The following FGF14 variants were observed in gnomAD, a reference collection of about 807,000 sequenced individuals.
FGF14 encodes the protein fibroblast growth factor 14.
A neutral mutation model predicts 25.5 loss-of-function variants in FGF14; 5 were observed. The ratio of observed to expected loss-of-function variants is 0.20; its 90% CI spans 0.10 to 0.41. The LOEUF is 0.41. FGF14 is among the 10% of genes least tolerant of loss of function. The pLI is 1.00. For missense variants in FGF14, 222 were observed against 320.1 expected, an observed-to-expected ratio of 0.69 and a Z score of 2.34; for synonymous variants, 138 against 118.3, an observed-to-expected ratio of 1.17 and a Z score of -1.08.
intron 1 of FGF14, among the ~76,000 whole-genome samples, chr13:102,066,978 C>T (rs1466311872): frequency 6.6e-6 from 1 of 152,154 alleles, no homozygotes; most frequent in Admixed American, 6.5e-5. Context: ...TAAAGCTTTC[C>T]ACAGTCAGGC....
intron 1 of FGF14, among the ~76,000 whole-genome samples, chr13:102,004,564 C>T (rs1432041192): frequency 6.6e-6 from 1 of 152,192 alleles, no homozygotes; most frequent in Non-Finnish European, 1.5e-5. Context: ...TATAGTCCCT[C>T]GATGCACCAA....
At chr13:101,800,498 A>T (rs562239226) in intron 3 of FGF14, among the ~76,000 whole-genome samples, 1 of 152,316 alleles carries the variant, frequency 6.6e-6, no homozygotes, top group East Asian at 1.9e-4. Flanking sequence ...TGTTTGCACG[A>T]ATCTAAAAAT....
At chr13:101,980,970 G>A (rs968723934) in intron 1 of FGF14, among the ~76,000 whole-genome samples, 3 of 152,010 alleles carry the variant, frequency 2.0e-5, no homozygotes, top group African/African-American at 7.2e-5. Flanking sequence ...GGCTGGGTGT[G>A]GTGGCTCAAG....
At chr13:101,998,860 T>C (rs1433441175) in intron 1 of FGF14, among the ~76,000 whole-genome samples, 1 of 152,204 alleles carries the variant, frequency 6.6e-6, no homozygotes, top group Admixed American at 6.5e-5. Flanking sequence ...CCCATAAAAT[T>C]ACACACATAG....
chr13:101,932,204 A>C (rs2034797849), intron 1 of FGF14, among the ~76,000 whole-genome samples: 1 of 152,140 alleles, frequency 6.6e-6, no homozygotes, highest in Non-Finnish European at 1.5e-5. Flanking sequence ...CCACAGGAAA[A>C]GGTGTATGGC....
chr13:101,723,232 T>G (rs1388248915), intron 4 of FGF14: 1 of 471,374 alleles, frequency 2.1e-6, no homozygotes, highest in African/African-American at 2.0e-5. Context: ...CAGGTTTAAA[T>G]GGGAGCTATG....
intron 1 of FGF14, among the ~76,000 whole-genome samples, chr13:102,192,942 T>C (rs1039971858): frequency 1.3e-5 from 2 of 152,162 alleles, no homozygotes; most frequent in African/African-American, 4.8e-5. Flanking sequence ...TCACTCCAAC[T>C]GCCTTAAATA....
At chr13:101,817,503 T>C (rs2041902095) in intron 3 of FGF14, among the ~76,000 whole-genome samples, 1 of 152,190 alleles carries the variant, frequency 6.6e-6, no homozygotes, top group Admixed American at 6.5e-5. Flanking sequence ...TTTTCCTTTC[T>C]GTCCAATATA....
intron 1 of FGF14, among the ~76,000 whole-genome samples, chr13:101,999,030 T>C (rs1269690627): frequency 6.6e-6 from 1 of 152,208 alleles, no homozygotes; most frequent in Non-Finnish European, 1.5e-5. Flanking sequence ...TTTCAAACTA[T>C]GCTTCTCAGA....
intron 1 of FGF14, among the ~76,000 whole-genome samples, chr13:102,393,181 C>A (rs748563024): frequency 7.9e-5 from 12 of 152,288 alleles, no homozygotes; most frequent in Non-Finnish European, 1.6e-4. Context: ...CCTTTCCATG[C>A]CCCTCTTCCT....
intron 1 of FGF14, among the ~76,000 whole-genome samples, chr13:102,076,960 A>G (rs183181747): frequency 6.6e-6 from 1 of 152,320 alleles, no homozygotes; most frequent in East Asian, 1.9e-4. Flanking sequence ...AACAGAATAT[A>G]GAGCATAGAA....
chr13:102,181,111 TC>T (rs1166104413), intron 1 of FGF14, among the ~76,000 whole-genome samples: 1 of 152,138 alleles, frequency 6.6e-6, no homozygotes, highest in Non-Finnish European at 1.5e-5. Flanking sequence ...GAATAATTTC[TC>T]CAGATTTGCA....
intron 1 of FGF14, among the ~76,000 whole-genome samples, chr13:101,935,454 G>T (rs916820484): frequency 6.6e-6 from 1 of 152,198 alleles, no homozygotes; most frequent in Non-Finnish European, 1.5e-5. Context: ...TGTGTCATGG[G>T]AAAAACAGGT....
At position 101,726,945 on chromosome 13, in the gene FGF14, C is replaced by T. The variant is rs117065993; in HGVS notation, c.409-135G>A. The T allele has an allele frequency of 2.4e-3, 1,546 of 640,760 alleles. 6 individuals are homozygous for T. The highest frequency in any genetic ancestry group is 3.2e-3 in the Non-Finnish European group (1,162 of 365,946). 39.7% of individuals were successfully genotyped at this position (640,760 alleles called of 1,614,324 possible). ...GGAGGACCGGATATACCCCTTCCTGCGCACAGTAATTGTCTATACATTTTT... is the reference window on the plus strand; with the variant it reads ...GGAGGACCGGATATACCCCTTCCTGTGCACAGTAATTGTCTATACATTTTT... On this transcript the variant is annotated intron_variant, in intron 3 of 4. Coordinates refer to ENST00000376143, the MANE Select transcript of FGF14 (RefSeq NM_004115.4).
At chr13:101,753,042 C>T (rs1320193097) in intron 3 of FGF14, among the ~76,000 whole-genome samples, 2 of 152,004 alleles carry the variant, frequency 1.3e-5, no homozygotes, top group African/African-American at 4.8e-5. Context: ...GTTTAGTAGC[C>T]TTTAACCAAA....
intron 1 of FGF14, among the ~76,000 whole-genome samples, chr13:102,286,731 CAA>C (rs1283200431): frequency 1.3e-5 from 2 of 152,154 alleles, no homozygotes; most frequent in Non-Finnish European, 2.9e-5. Flanking sequence ...AGTATTACAA[CAA>C]AAGACTGTGA....
At chr13:102,107,143 A>C (rs1478514257) in intron 1 of FGF14, among the ~76,000 whole-genome samples, 5 of 123,336 alleles carry the variant, frequency 4.1e-5, no homozygotes, top group Non-Finnish European at 1.0e-4. Flanking sequence ...TTTTATAAAA[A>C]CCAGTTTGCC....
intron 1 of FGF14, among the ~76,000 whole-genome samples, chr13:102,253,213 T>C (rs1449078878): frequency 6.6e-6 from 1 of 152,208 alleles, no homozygotes; most frequent in Non-Finnish European, 1.5e-5. Flanking sequence ...TCAAATGGTA[T>C]TTCTAGTTCT....
intron 3 of FGF14, among the ~76,000 whole-genome samples, chr13:101,740,259 A>G (rs1322811772): frequency 1.3e-5 from 2 of 152,170 alleles, no homozygotes; most frequent in Non-Finnish European, 2.9e-5. Flanking sequence ...TTCTGCTACA[A>G]GGGTTTTCAT....
Sources: gnomAD v4.1 joint callset for allele counts (sites outside exome capture counted in the v4.1 genomes callset) on GRCh38, gnomAD v4.1.1 for gene constraint, MANE v1.5 for transcripts, NCBI Gene and HGNC (gene_info 2026-07-23, HGNC 2026-07-21) for gene names.